The following SYT2 variants were observed in gnomAD, a reference collection of about 807,000 sequenced individuals.
SYT2 encodes the protein synaptotagmin 2, also known as synaptotagmin-2.
In SYT2, 15 loss-of-function variants were observed where a neutral mutation model predicts 39.9. That is an observed-to-expected ratio of 0.38 (90% CI 0.25 to 0.58). The LOEUF is 0.58. Among genes scored for constraint, SYT2 ranks in the 20% least tolerant of loss-of-function variants. The pLI is 0.70. For synonymous variants in SYT2, 181 were observed against 204.5 expected (o/e 0.89, Z 0.98); for missense variants, 389 against 530.3 (o/e 0.73, Z 2.62).
intron 1 of SYT2, among the ~76,000 whole-genome samples, chr1:202,668,917 G>T (rs542170243): frequency 6.6e-6 from 1 of 152,336 alleles, no homozygotes; most frequent in South Asian, 2.1e-4. Context: ...GAGGAGGCTT[G>T]TTACATCAGG....
Position 202,662,534 on chromosome 1 carries a change from C to T in SYT2, c.-18+47724G>A, listed in dbSNP as rs190541880. 4.9e-4 allele frequency among the ~76,000 whole-genome samples: 75 copies of T among 152,348 alleles called. 1 individual carries two copies. Among genetic ancestry groups the T allele is most frequent in the African/African-American group, 1.4e-3 (59 of 41,584 alleles). ...GCAGGGCCAAGTGCTACCCTTCCAC[C>T]GGCTCAGGTACATCATTAACCAAGA... On this transcript the variant is annotated intron_variant, in intron 1 of 8. Coordinates refer to ENST00000367268, the MANE Select transcript of SYT2 (RefSeq NM_177402.5).
intron 3 of SYT2, 179 bp downstream of exon 3, chr1:202,604,276 C>A: frequency 1.5e-6 from 1 of 649,622 alleles, no homozygotes; most frequent in Non-Finnish European, 2.7e-6. Flanking sequence ...ATAAGGCCCC[C>A]CCCTCCCAGG....
intron 1 of SYT2, among the ~76,000 whole-genome samples, chr1:202,640,806 G>GAC (rs1691896370): frequency 6.7e-6 from 1 of 149,332 alleles, no homozygotes; most frequent in Non-Finnish European, 1.5e-5. Context: ...GACAGACAGA[G>GAC]AGACAGAGAG....
chr1:202,653,772 T>A (rs1692232433), intron 1 of SYT2, among the ~76,000 whole-genome samples: 1 of 152,220 alleles, frequency 6.6e-6, no homozygotes, highest in East Asian at 1.9e-4. Flanking sequence ...GCTGGACCTC[T>A]GTGGGTCACC....
intron 1 of SYT2, among the ~76,000 whole-genome samples, chr1:202,709,092 G>T (rs962852423): frequency 2.9e-5 from 2 of 68,678 alleles, no homozygotes; most frequent in African/African-American, 4.0e-5. Context: ...CTGGCTTCCT[G>T]GGCGCCCCCA....
intron 1 of SYT2, among the ~76,000 whole-genome samples, chr1:202,701,132 T>C (rs1654111221): frequency 6.6e-6 from 1 of 152,250 alleles, no homozygotes; most frequent in African/African-American, 2.4e-5. Context: ...GTAATATGTG[T>C]GAGTTTTCCA....
chr1:202,685,388 A>T (rs115106885), intron 1 of SYT2, among the ~76,000 whole-genome samples: 3 of 152,210 alleles, frequency 2.0e-5, no homozygotes, highest in African/African-American at 2.4e-5. Flanking sequence ...GTGGAGAATC[A>T]GTTGAGTTTA....
Position 202,591,027 on chromosome 1 carries a change from T to C in SYT2, c.*5730A>G, listed in dbSNP as rs935521599. The C allele has an allele frequency of 2.0e-5, 3 of 152,304 alleles. No homozygotes were observed. Among genetic ancestry groups the C allele is most frequent in the Non-Finnish European group, 4.4e-5 (3 of 68,116 alleles). 9.4% of individuals were successfully genotyped at this position (152,304 alleles called of 1,614,324 possible). ...CACCAGACAGATGCTCTCTCAACTC[T>C]TGCCTCAATTTGTCTCTGCTGTGGG... On this transcript the variant is annotated 3_prime_UTR_variant, in exon 9 of 9. Transcript: ENST00000367268.
At chr1:202,625,217 G>A (rs1691357306) in intron 1 of SYT2, among the ~76,000 whole-genome samples, 3 of 126,320 alleles carry the variant, frequency 2.4e-5, no homozygotes, top group African/African-American at 3.2e-5. Context: ...TGTGATGTTT[G>A]TGGTGTGTGC....
chr1:202,613,599 T>C (rs1558430467), intron 1 of SYT2, among the ~76,000 whole-genome samples: 4 of 152,124 alleles, frequency 2.6e-5, no homozygotes. Context: ...GGAAAATCTT[T>C]CAATCTTTCT....
At chr1:202,680,535 T>A (rs1653497695) in intron 1 of SYT2, among the ~76,000 whole-genome samples, 1 of 152,036 alleles carries the variant, frequency 6.6e-6, no homozygotes, top group South Asian at 2.1e-4. Context: ...AGTGAGACCC[T>A]GTCTCAAAAA....
At chr1:202,680,352 C>G (rs1326162604) in intron 1 of SYT2, among the ~76,000 whole-genome samples, 1 of 152,188 alleles carries the variant, frequency 6.6e-6, no homozygotes, top group Non-Finnish European at 1.5e-5. Flanking sequence ...ATGATTCTTT[C>G]TCTCATACAT....
chr1:202,617,448 T>G (rs1328714380), intron 1 of SYT2, among the ~76,000 whole-genome samples: 1 of 152,074 alleles, frequency 6.6e-6, no homozygotes, highest in African/African-American at 2.4e-5. Flanking sequence ...CCCCCCATGA[T>G]TGTAAGTTTC....
At chr1:202,683,740 T>TAAAA (rs36091072) in intron 1 of SYT2, among the ~76,000 whole-genome samples, 8 of 132,562 alleles carry the variant, frequency 6.0e-5, no homozygotes, top group Admixed American at 1.6e-4. Context: ...AGACCCTGTT[T>TAAAA]AAAAAAAAAA....
chr1:202,644,731 G>GGT lies in SYT2; in HGVS notation c.-17-38943_-17-38942insAC, dbSNP rs1172630545. On this transcript the variant is annotated intron_variant, in intron 1 of 8. Transcript: ENST00000367268. ...AAAAATCCAGTGTGCATGTGTGTTG[G>GGT]GGGGGGCAGTCACTCAGGGCTTTCC... Among the ~76,000 whole-genome samples, 5 of 142,682 alleles carry GGT rather than the reference G, an allele frequency of 3.5e-5. No individual in the cohort carries two copies. In the East Asian group the frequency reaches 9.8e-4, roughly 28 times the overall value. The allele number at this position is 142,682 out of a possible 152,430, so 93.6% of individuals were successfully genotyped here. A position where few individuals can be genotyped will look rare whatever the true frequency, so the allele number is the denominator to read the frequency against.
chr1:202,674,906 C>T (rs1653319370), intron 1 of SYT2, among the ~76,000 whole-genome samples: 1 of 48,508 alleles, frequency 2.1e-5, no homozygotes, highest in Non-Finnish European at 7.1e-5. Context: ...CCAATAATCT[C>T]AATGTCATGA....
At chr1:202,625,963 C>T (rs368277729) in intron 1 of SYT2, among the ~76,000 whole-genome samples, 54 of 152,312 alleles carry the variant, frequency 3.5e-4, no homozygotes, top group East Asian at 9.6e-4. Flanking sequence ...TGCACGTGAA[C>T]GCCATGTGTA....
intron 1 of SYT2, among the ~76,000 whole-genome samples, chr1:202,662,457 G>A (rs562274122): frequency 6.6e-6 from 1 of 152,368 alleles, no homozygotes; most frequent in Admixed American, 6.5e-5. Context: ...AAAACTCACT[G>A]AGGCCAAGGG....
At chr1:202,625,317 T>TGG (rs1691365594) in intron 1 of SYT2, among the ~76,000 whole-genome samples, 1 of 70,182 alleles carries the variant, frequency 1.4e-5, no homozygotes, top group Non-Finnish European at 3.0e-5. Context: ...GTGTGGTGTG[T>TGG]GTGTGGTGTG....
Sources: gnomAD v4.1 joint callset for allele counts (sites outside exome capture counted in the v4.1 genomes callset) on GRCh38, gnomAD v4.1.1 for gene constraint, MANE v1.5 for transcripts, NCBI Gene and HGNC (gene_info 2026-07-23, HGNC 2026-07-21) for gene names.